The following PTPRK variants were observed in gnomAD, a reference collection of about 807,000 sequenced individuals.
PTPRK encodes protein tyrosine phosphatase receptor type K.
A neutral mutation model predicts 178.0 loss-of-function variants in PTPRK; 75 were observed. That is an observed-to-expected ratio of 0.42 (90% CI 0.35 to 0.51). The LOEUF is 0.51. PTPRK is among the 20% of genes least tolerant of loss of function. The pLI is 0.02. For synonymous variants in PTPRK, 637 were observed against 620.6 expected (o/e 1.03, Z -0.39); for missense variants, 1,441 against 1,797.8 (o/e 0.80, Z 3.59).
chr6:128,005,993 CG>C, intron 14 of PTPRK: 1 of 1,494,176 alleles, frequency 6.7e-7, no homozygotes. Context: ...CCTTAACACA[CG>C]TAAAGTTGTA....
intron 3 of PTPRK, among the ~76,000 whole-genome samples, chr6:128,288,658 G>A (rs1248658386): frequency 6.6e-6 from 1 of 152,002 alleles, no homozygotes; most frequent in Non-Finnish European, 1.5e-5. Context: ...AAATAAAAAT[G>A]ATGAAACAAG....
chr6:128,240,224 G>T, intron 4 of PTPRK, 74 bp from the exon 5 acceptor site: 1 of 1,105,384 alleles, frequency 9.0e-7, no homozygotes. Flanking sequence ...TTCTCCAGCT[G>T]AATATTATCA....
chr6:128,129,204 C>A (rs1032652259), intron 7 of PTPRK, among the ~76,000 whole-genome samples: 1 of 152,150 alleles, frequency 6.6e-6, no homozygotes, highest in African/African-American at 2.4e-5. Flanking sequence ...GATTATTACA[C>A]ACTTAAGCTC....
intron 3 of PTPRK, among the ~76,000 whole-genome samples, chr6:128,255,343 C>T (rs555059920): frequency 6.6e-6 from 1 of 152,088 alleles, no homozygotes; most frequent in Non-Finnish European, 1.5e-5. Context: ...TCATTGAGAA[C>T]ACAATATGGG....
At chr6:128,461,019 A>G (rs1848987113) in intron 1 of PTPRK, among the ~76,000 whole-genome samples, 1 of 152,200 alleles carries the variant, frequency 6.6e-6, no homozygotes, top group Non-Finnish European at 1.5e-5. Context: ...TAGTAAAAGA[A>G]AAAAATGAAG....
intron 1 of PTPRK, among the ~76,000 whole-genome samples, chr6:128,472,420 ACC>A (rs11299646): frequency 0.11 from 12,555 of 117,744 alleles, 888 homozygotes; most frequent in African/African-American, 0.21. Context: ...AATTTTTGAC[ACC>A]CCCCCCCCCT....
chr6:128,407,609 C>T (rs6938739), intron 1 of PTPRK, among the ~76,000 whole-genome samples: 2 of 113,520 alleles, frequency 1.8e-5, no homozygotes, highest in African/African-American at 6.9e-5. Flanking sequence ...GTACTCCAGC[C>T]TGATGGACAG....
chr6:128,071,842 G>T (rs1158757435), intron 11 of PTPRK, among the ~76,000 whole-genome samples: 1 of 152,026 alleles, frequency 6.6e-6, no homozygotes, highest in African/African-American at 2.4e-5. Context: ...TGTTCAATCT[G>T]AAAGGCTGTT....
At chr6:128,447,184 A>G (rs796363708) in intron 1 of PTPRK, among the ~76,000 whole-genome samples, 32 of 152,350 alleles carry the variant, frequency 2.1e-4, no homozygotes, top group African/African-American at 7.5e-4. Flanking sequence ...GCAAGCTGTT[A>G]TCTTGGTTGG....
chr6:128,380,816 G>A (rs1052511800), intron 2 of PTPRK, among the ~76,000 whole-genome samples: 7 of 152,100 alleles, frequency 4.6e-5, no homozygotes, highest in African/African-American at 7.2e-5. Flanking sequence ...ACAAGAATTC[G>A]TAGCTAACAA....
intron 7 of PTPRK, among the ~76,000 whole-genome samples, chr6:128,172,731 T>C (rs960120705): frequency 1.3e-5 from 2 of 151,276 alleles, no homozygotes; most frequent in Admixed American, 6.6e-5. Flanking sequence ...GATATGCACA[T>C]ACATATACAC....
intron 7 of PTPRK, among the ~76,000 whole-genome samples, chr6:128,126,737 T>A (rs766037569): frequency 1.3e-5 from 2 of 152,154 alleles, no homozygotes; most frequent in Non-Finnish European, 2.9e-5. Flanking sequence ...AACGCTCCCA[T>A]CTTGGCCTCC....
At chr6:128,330,087 G>C (rs1830074737) in intron 2 of PTPRK, among the ~76,000 whole-genome samples, 1 of 152,104 alleles carries the variant, frequency 6.6e-6, no homozygotes, top group African/African-American at 2.4e-5. Flanking sequence ...TAGTAACAAA[G>C]AACATGCCAG....
intron 7 of PTPRK, among the ~76,000 whole-genome samples, chr6:128,154,649 C>T (rs1269301778): frequency 6.6e-6 from 1 of 151,098 alleles, no homozygotes; most frequent in Admixed American, 6.6e-5. Flanking sequence ...TTTAATGGCT[C>T]GCCTAAGGAA....
At chr6:128,246,409 A>G (rs927426010) in intron 3 of PTPRK, among the ~76,000 whole-genome samples, 2 of 152,148 alleles carry the variant, frequency 1.3e-5, no homozygotes, top group Non-Finnish European at 2.9e-5. Flanking sequence ...GCCTTGATTT[A>G]AAAGGAGGCA....
intron 2 of PTPRK, among the ~76,000 whole-genome samples, chr6:128,330,695 C>A (rs1369118221): frequency 2.0e-5 from 3 of 152,054 alleles, no homozygotes; most frequent in Admixed American, 6.6e-5. Flanking sequence ...TTTTTTAAAT[C>A]TTTCTCATAC....
chr6:128,415,519 A>T (rs1054503753), intron 1 of PTPRK, among the ~76,000 whole-genome samples: 1 of 151,590 alleles, frequency 6.6e-6, no homozygotes, highest in African/African-American at 2.4e-5. Flanking sequence ...AAAAAAAAAA[A>T]ATTATTCTCA....
At chr6:128,216,881 G>T (rs552839233) in intron 6 of PTPRK, among the ~76,000 whole-genome samples, 1 of 152,066 alleles carries the variant, frequency 6.6e-6, no homozygotes, top group Non-Finnish European at 1.5e-5. Flanking sequence ...CATCAAGAGT[G>T]ACTTTTCTGG....
At chr6:128,456,245 T>G (rs745637593) in intron 1 of PTPRK, among the ~76,000 whole-genome samples, 2 of 152,002 alleles carry the variant, frequency 1.3e-5, no homozygotes, top group South Asian at 2.1e-4. Context: ...ATGTGCCAGG[T>G]ACTATGAGTA....
Sources: allele counts gnomAD v4.1 joint callset (sites outside exome capture counted in the v4.1 genomes callset), GRCh38; gene constraint gnomAD v4.1.1; transcripts MANE v1.5; gene names NCBI Gene and HGNC (gene_info 2026-07-23, HGNC 2026-07-21).